ADGRV1: variants seen among roughly 807,000 people sequenced by gnomAD.
The protein encoded by ADGRV1 is G-protein coupled receptor 98.
A neutral mutation model predicts 596.2 loss-of-function variants in ADGRV1; 359 were observed. That is an observed-to-expected ratio of 0.60 (90% confidence interval 0.55 to 0.66). The LOEUF (loss-of-function observed/expected upper bound fraction) is 0.66. ADGRV1 is among the 30% of genes least tolerant of loss of function. The pLI is 0.00. For missense variants in ADGRV1, 7,274 were observed against 7,575.6 expected (o/e 0.96, Z 1.48); for synonymous variants, 2,681 against 2,679.2 (o/e 1.00, Z -0.02).
chr5:90,873,515 T>C (rs935398457), intron 83 of ADGRV1, among the ~76,000 whole-genome samples: 5 of 152,208 alleles, frequency 3.3e-5, no homozygotes, highest in African/African-American at 1.2e-4. Context: ...ACCCCCCGTT[T>C]ATTCTCGCTC....
intron 67 of ADGRV1, among the ~76,000 whole-genome samples, chr5:90,787,590 C>CTTTTTTTTTTTTT (rs35504697): frequency 4.2e-5 from 5 of 118,906 alleles, no homozygotes; most frequent in Admixed American, 8.7e-5. Flanking sequence ...TTCTTTCTTT[C>CTTTTTTTTTTTTT]TTTTTTTTTT....
chr5:90,842,401 T>G (rs1269771841), intron 78 of ADGRV1, among the ~76,000 whole-genome samples: 1 of 152,156 alleles, frequency 6.6e-6, no homozygotes, highest in African/African-American at 2.4e-5. Context: ...CTTGGAGGGA[T>G]AAAATATATT....
intron 85 of ADGRV1, among the ~76,000 whole-genome samples, chr5:90,993,154 C>CTTTT (rs1235025923): frequency 6.1e-4 from 60 of 97,632 alleles, no homozygotes; most frequent in South Asian, 7.1e-4. Flanking sequence ...TTGGTTTTCA[C>CTTTT]TTTTTTTTTT....
chr5:90,798,953 A>G (rs754007799), intron 70 of ADGRV1, among the ~76,000 whole-genome samples: 1 of 152,204 alleles, frequency 6.6e-6, no homozygotes, highest in Admixed American at 6.5e-5. Flanking sequence ...ATTTATGACA[A>G]ACCCACAACC....
intron 76 of ADGRV1, 25 bp from the exon 77 acceptor site, chr5:90,828,919 T>G (rs1381279286): frequency 2.0e-6 from 3 of 1,503,644 alleles, no homozygotes; most frequent in Non-Finnish European, 2.7e-6. Context: ...AATAGTTGTT[T>G]TTTTTTCCTT....
chr5:90,783,660 C>A (rs956223461), intron 66 of ADGRV1, among the ~76,000 whole-genome samples, 178 bp from the exon 67 acceptor site: 6 of 152,186 alleles, frequency 3.9e-5, no homozygotes, highest in African/African-American at 1.4e-4. Flanking sequence ...TGCCCTAGGT[C>A]ATGTAATATT....
At chr5:90,565,218 C>A (rs1755486120) in intron 1 of ADGRV1, among the ~76,000 whole-genome samples, 1 of 152,058 alleles carries the variant, frequency 6.6e-6, no homozygotes, top group Non-Finnish European at 1.5e-5. Context: ...GCCTGGGCAA[C>A]AAGAGCAAAA....
At chr5:90,740,533 G>A (rs375617367) in intron 50 of ADGRV1, among the ~76,000 whole-genome samples, 7 of 152,270 alleles carry the variant, frequency 4.6e-5, no homozygotes, top group Non-Finnish European at 7.4e-5. Context: ...TTTGGGCCTG[G>A]GAGGCCTGTC....
intron 83 of ADGRV1, among the ~76,000 whole-genome samples, chr5:90,887,285 A>G (rs1286269935): frequency 1.3e-5 from 2 of 152,018 alleles, no homozygotes; most frequent in African/African-American, 4.8e-5. Flanking sequence ...GGCTGTTTGT[A>G]TCAGAGGTTC....
chr5:91,120,039 C>T (rs1793171711), intron 87 of ADGRV1, among the ~76,000 whole-genome samples: 1 of 152,156 alleles, frequency 6.6e-6, no homozygotes, highest in Non-Finnish European at 1.5e-5. Context: ...CAAAATCTTG[C>T]TAGAGAGCTA....
At chr5:91,082,285 C>T (rs895757076) in intron 86 of ADGRV1, among the ~76,000 whole-genome samples, 1 of 152,150 alleles carries the variant, frequency 6.6e-6, no homozygotes, top group African/African-American at 2.4e-5. Flanking sequence ...TATTTCCTTG[C>T]CATTGTTCTC....
intron 59 of ADGRV1, among the ~76,000 whole-genome samples, chr5:90,764,303 C>A (rs1756847105): frequency 6.6e-6 from 1 of 152,228 alleles, no homozygotes; most frequent in African/African-American, 2.4e-5. Context: ...AACTTCACAA[C>A]TTGTCTGTCC....
At chr5:90,559,822 A>T (rs899187053) in intron 1 of ADGRV1, among the ~76,000 whole-genome samples, 1 of 152,158 alleles carries the variant, frequency 6.6e-6, no homozygotes, top group Non-Finnish European at 1.5e-5. Context: ...TTAAATTACT[A>T]AAGTGTTTTT....
At chr5:90,656,602 G>A (rs1017547510) in intron 20 of ADGRV1, among the ~76,000 whole-genome samples, 1 of 152,136 alleles carries the variant, frequency 6.6e-6, no homozygotes, top group Non-Finnish European at 1.5e-5. Context: ...TGGTTTGCTG[G>A]GCAGGAAGGT....
chr5:90,697,702 TCTTA>T (rs1747373013), intron 34 of ADGRV1, among the ~76,000 whole-genome samples: 2 of 142,086 alleles, frequency 1.4e-5, no homozygotes, highest in South Asian at 4.3e-4. Context: ...TTTCTTGAAT[TCTTA>T]CTTAATATTT....
intron 73 of ADGRV1, among the ~76,000 whole-genome samples, chr5:90,809,525 T>G (rs1290357652): frequency 6.6e-6 from 1 of 152,134 alleles, no homozygotes; most frequent in African/African-American, 2.4e-5. Context: ...ATGTACTGAG[T>G]GCTGGCTGCT....
intron 78 of ADGRV1, among the ~76,000 whole-genome samples, chr5:90,843,699 A>G (rs1461786374): frequency 6.6e-6 from 1 of 152,218 alleles, no homozygotes; most frequent in Non-Finnish European, 1.5e-5. Flanking sequence ...CTCTTAGCAT[A>G]CACCAAAGCA....
intron 83 of ADGRV1, among the ~76,000 whole-genome samples, chr5:90,929,087 T>C (rs1410460123): frequency 6.8e-6 from 1 of 148,136 alleles, no homozygotes; most frequent in Non-Finnish European, 1.5e-5. Context: ...GTCTTTTTGT[T>C]TGTCTGTGCC....
Position 90,716,615 on chromosome 5 carries a change from G to C in ADGRV1, c.9333G>C (p.Leu3111Phe), listed in dbSNP as rs767896247. The C allele has an allele frequency of 2.7e-5, 43 of 1,613,690 alleles. 2 individuals are homozygous for C. The South Asian group carries it at 4.7e-4, about 18-fold the overall frequency. Residue 3111 changes from leucine to phenylalanine, a missense_variant, in exon 43 of 90, where the codon TTG (leucine) becomes TTC (phenylalanine). Coordinates refer to ENST00000405460, the MANE Select transcript of ADGRV1 (RefSeq NM_032119.4). Reference protein sequence around the residue: ...LYIVREPAQGLFGTVTVQFIV... With the variant: ...LYIVREPAQGFFGTVTVQFIV... ...TTGTTCGGGAACCTGCACAAGGATT[G>C]TTTGGAACAGTGACAGTTCAGTTCA... is the stretch of plus-strand genomic sequence containing the variant.
Sources: gnomAD v4.1 joint callset for allele counts (sites outside exome capture counted in the v4.1 genomes callset) on GRCh38, gnomAD v4.1.1 for gene constraint, MANE v1.5 for transcripts, NCBI Gene and HGNC (gene_info 2026-07-23, HGNC 2026-07-21) for gene names.